APAF1: variants seen among roughly 807,000 people sequenced by gnomAD.
APAF1 encodes apoptotic protease-activating factor 1.
APAF1 carries 91 observed loss-of-function variants against 152.4 expected under a neutral mutation model. That is an observed-to-expected ratio of 0.60 (90% CI 0.50 to 0.71). APAF1 has a LOEUF of 0.71. Ranked by LOEUF, APAF1 falls within the 30% of genes least tolerant of loss-of-function variation. APAF1 has a pLI of 0.00. For missense variants in APAF1, 1,283 were observed against 1,472.0 expected (o/e 0.87, Z 2.10); for synonymous variants, 484 against 494.1 (o/e 0.98, Z 0.27).
chr12:98,686,073 A>T (rs2097697745), intron 15 of APAF1, among the ~76,000 whole-genome samples: 1 of 152,240 alleles, frequency 6.6e-6, no homozygotes, highest in Non-Finnish European at 1.5e-5. Context: ...ATAATAAAAT[A>T]TAGTTTTGTA....
intron 26 of APAF1, among the ~76,000 whole-genome samples, chr12:98,727,961 T>A: frequency 7.2e-6 from 1 of 138,996 alleles, no homozygotes; most frequent in African/African-American, 2.7e-5. Flanking sequence ...AATAAATAAA[T>A]AAATAAATTA....
chr12:98,706,626 A>G lies in APAF1; in HGVS notation c.2721+16A>G. On this transcript the variant is annotated intron_variant, in intron 19 of 26. Coordinates refer to ENST00000551964, the MANE Select transcript of APAF1 (RefSeq NM_181861.2). ...GACAATCAGGGTGAGAAATATTGAGATTTTCATTTTGAACATTTCCTGATG... is the reference window on the plus strand; with the variant it reads ...GACAATCAGGGTGAGAAATATTGAGGTTTTCATTTTGAACATTTCCTGATG... 6.2e-7 allele frequency: 1 copy of G among 1,613,580 alleles called. No homozygotes were observed. Among genetic ancestry groups the G allele is most frequent in the Non-Finnish European group, 8.5e-7 (1 of 1,179,748 alleles).
intron 16 of APAF1, among the ~76,000 whole-genome samples, chr12:98,693,107 GT>G (rs2097706148): frequency 6.6e-6 from 1 of 151,610 alleles, no homozygotes; most frequent in Non-Finnish European, 1.5e-5. Context: ...ATATAGCAGT[GT>G]TTTGTAGTTC....
intron 24 of APAF1, among the ~76,000 whole-genome samples, chr12:98,724,187 C>T (rs1250627019): frequency 2.6e-5 from 4 of 152,152 alleles, no homozygotes; most frequent in African/African-American, 9.7e-5. Flanking sequence ...TTTTCTCCTT[C>T]TACCAGTCTT....
intron 1 of APAF1, among the ~76,000 whole-genome samples, chr12:98,646,339 C>T (rs75579173): frequency 0.014 from 2,192 of 152,220 alleles, 46 homozygotes; most frequent in African/African-American, 0.05. Context: ...AGTTTTGATT[C>T]GAATCAATAA....
intron 4 of APAF1, among the ~76,000 whole-genome samples, chr12:98,654,208 C>A (rs1046352066): frequency 6.6e-6 from 1 of 152,092 alleles, no homozygotes; most frequent in African/African-American, 2.4e-5. Flanking sequence ...ATCAGATGGT[C>A]ATTTGGTCTG....
intron 18 of APAF1, among the ~76,000 whole-genome samples, chr12:98,705,823 T>A (rs1186020328): frequency 6.6e-6 from 1 of 152,232 alleles, no homozygotes; most frequent in Non-Finnish European, 1.5e-5. Context: ...ATATGGAAGC[T>A]GCTTTTGTTC....
chr12:98,717,033 T>C (rs1460897494), intron 22 of APAF1, among the ~76,000 whole-genome samples: 1 of 151,054 alleles, frequency 6.6e-6, no homozygotes, highest in Non-Finnish European at 1.5e-5. Context: ...GCCAAGCTAA[T>C]TTTTTGTATT....
At chr12:98,679,395 C>T (rs1380605246) in intron 13 of APAF1, among the ~76,000 whole-genome samples, 3 of 152,160 alleles carry the variant, frequency 2.0e-5, no homozygotes, top group African/African-American at 7.2e-5. Context: ...AGCTGCCCCC[C>T]GCAGGTTTAT....
At chr12:98,672,417 G>A (rs58431430) in intron 12 of APAF1, among the ~76,000 whole-genome samples, 1 of 151,856 alleles carries the variant, frequency 6.6e-6, no homozygotes, top group Non-Finnish European at 1.5e-5. Flanking sequence ...TGCATGCCTC[G>A]GCCTCCCAAA....
chr12:98,725,540 G>C lies in APAF1; in HGVS notation c.3456G>C (p.Arg1152Ser). 3 of 1,614,090 alleles carry C rather than the reference G, an allele frequency of 1.9e-6. No individual in the cohort carries two copies. The highest frequency in any genetic ancestry group is 2.5e-6 in the Non-Finnish European group (3 of 1,179,976). The change falls in exon 25 of 27, where the codon AGG becomes AGC. Residue 1152 changes from arginine (R) to serine (S), a missense_variant and splice_region_variant. Transcript: ENST00000551964. ...LATGDDNGEI[R>S]IWNVSNGELL... is the part of the protein sequence containing the mutation. ...CGGGAGATGACAATGGAGAAATCAGGGTAGGCTGTTTGCTGACATGAGAGC... is the reference window on the plus strand; with the variant it reads ...CGGGAGATGACAATGGAGAAATCAGCGTAGGCTGTTTGCTGACATGAGAGC...
At chr12:98,706,329 A>G (rs2097721363) in intron 18 of APAF1, among the ~76,000 whole-genome samples, 156 bp from the exon 19 acceptor site, 1 of 152,206 alleles carries the variant, frequency 6.6e-6, no homozygotes, top group African/African-American at 2.4e-5. Context: ...GCACTAAATA[A>G]TCTTCTGCAT....
intron 4 of APAF1, among the ~76,000 whole-genome samples, chr12:98,654,816 C>CTTTTT (rs758991431): frequency 6.0e-5 from 7 of 116,784 alleles, no homozygotes; most frequent in Non-Finnish European, 1.0e-4. Flanking sequence ...GTAGTATTTT[C>CTTTTT]TTTTTTTTTT....
chr12:98,687,699 G>C (rs539390214), intron 16 of APAF1, among the ~76,000 whole-genome samples: 1 of 152,196 alleles, frequency 6.6e-6, no homozygotes, highest in African/African-American at 2.4e-5. Context: ...CACTTTTGAA[G>C]GTCCCATCTC....
At chr12:98,679,303 A>G (rs552458211) in intron 13 of APAF1, among the ~76,000 whole-genome samples, 2 of 152,090 alleles carry the variant, frequency 1.3e-5, no homozygotes, top group African/African-American at 4.8e-5. Context: ...GAGAGGAGCT[A>G]CCCTCTCTGC....
At chr12:98,687,361 C>CA (rs58734555) in intron 16 of APAF1, among the ~76,000 whole-genome samples, 15,973 of 91,860 alleles carry the variant, frequency 0.17, 917 homozygotes, top group East Asian at 0.32. Context: ...GACTCCGTCT[C>CA]AAAAAAAAAA....
At chr12:98,669,809 C>A (rs1006611219) in intron 10 of APAF1, among the ~76,000 whole-genome samples, 3 of 152,076 alleles carry the variant, frequency 2.0e-5, no homozygotes, top group Non-Finnish European at 4.4e-5. Flanking sequence ...ACATGCCTAC[C>A]AACAGTGGTT....
chr12:98,708,459 A>G (rs1423700173), intron 19 of APAF1, 126 bp from the exon 20 acceptor site: 3 of 957,350 alleles, frequency 3.1e-6, no homozygotes, highest in Non-Finnish European at 4.7e-6. Flanking sequence ...TTTTTGGATT[A>G]TAATCTAATA....
intron 22 of APAF1, among the ~76,000 whole-genome samples, chr12:98,716,854 T>C (rs2097735305): frequency 1.3e-5 from 2 of 152,084 alleles, no homozygotes; most frequent in African/African-American, 4.8e-5. Flanking sequence ...TTCTATAGTG[T>C]GCTTTATGTT....
Sources: gnomAD v4.1 joint callset for allele counts (sites outside exome capture counted in the v4.1 genomes callset) on GRCh38, gnomAD v4.1.1 for gene constraint, MANE v1.5 for transcripts, NCBI Gene and HGNC (gene_info 2026-07-23, HGNC 2026-07-21) for gene names.